The following NBAS variants were observed in gnomAD, a reference collection of about 807,000 sequenced individuals.
NBAS encodes the protein NBAS subunit of NRZ tethering complex.
In NBAS, 219 loss-of-function variants were observed where a neutral mutation model predicts 302.5. The observed-to-expected ratio is 0.72, with a 90% CI of 0.65 to 0.81. The LOEUF is 0.81. Ranked by LOEUF, NBAS falls within the 30% of genes least tolerant of loss-of-function variation. The pLI is 0.00. For missense variants in NBAS, 2,932 were observed against 2,841.6 expected (o/e 1.03, Z -0.72); for synonymous variants, 1,118 against 1,021.6 (o/e 1.09, Z -1.80).
At chr2:15,364,833 T>C (rs191691788) in intron 32 of NBAS, among the ~76,000 whole-genome samples, 2 of 152,080 alleles carry the variant, frequency 1.3e-5, no homozygotes, top group South Asian at 2.1e-4. Flanking sequence ...GAGCCCAATC[T>C]CCAGAAGAGA....
the NBAS span, among the ~76,000 whole-genome samples, chr2:14,800,689 C>T: frequency 6.6e-6 from 1 of 151,850 alleles, no homozygotes; most frequent in East Asian, 1.9e-4. Flanking sequence ...TTCTTCCCTC[C>T]TGTTTTCATA....
At chr2:15,321,831 C>T (rs774946821) in intron 38 of NBAS, among the ~76,000 whole-genome samples, 20 of 152,106 alleles carry the variant, frequency 1.3e-4, no homozygotes, top group Admixed American at 4.6e-4. Context: ...GACAGTGTGG[C>T]GGATTCCTCA....
At chr2:15,495,514 A>C (rs541793776) in intron 11 of NBAS, among the ~76,000 whole-genome samples, 1 of 152,330 alleles carries the variant, frequency 6.6e-6, no homozygotes, top group Admixed American at 6.5e-5. Context: ...ATAGAGAAAA[A>C]GAGACTTAAA....
chr2:15,374,881 T>G (rs1327163517), intron 30 of NBAS, among the ~76,000 whole-genome samples, 161 bp from the exon 31 acceptor site: 1 of 152,190 alleles, frequency 6.6e-6, no homozygotes, highest in Non-Finnish European at 1.5e-5. Context: ...AGCAAGCCTC[T>G]GAGGTAGGCA....
At chr2:14,816,474 A>G in the NBAS span, among the ~76,000 whole-genome samples, 1 of 152,182 alleles carries the variant, frequency 6.6e-6, no homozygotes. Flanking sequence ...CCTGGTGCCA[A>G]AAAGGTTGGA....
At chr2:15,519,159 T>A (rs76750678) in intron 9 of NBAS, among the ~76,000 whole-genome samples, 4,953 of 152,284 alleles carry the variant, frequency 0.033, 136 homozygotes, top group Non-Finnish European at 0.048. Context: ...CTTTCACCCA[T>A]TAACATTTAC....
chr2:15,053,668 G>C, the NBAS span, among the ~76,000 whole-genome samples: 1 of 151,984 alleles, frequency 6.6e-6, no homozygotes, highest in Admixed American at 6.5e-5. Context: ...GGGGGATCTC[G>C]GGGTCCAGTT....
At chr2:15,386,059 C>G (rs959918056) in intron 28 of NBAS, among the ~76,000 whole-genome samples, 1 of 152,000 alleles carries the variant, frequency 6.6e-6, no homozygotes, top group African/African-American at 2.4e-5. Context: ...TCTAAATTAC[C>G]AGAGAGGGCC....
chr2:14,842,888 A>G, the NBAS span, among the ~76,000 whole-genome samples: 1 of 151,894 alleles, frequency 6.6e-6, no homozygotes, highest in East Asian at 1.9e-4. Context: ...ATTGCAGATG[A>G]ATATAGATGC....
the NBAS span, among the ~76,000 whole-genome samples, chr2:15,016,017 A>G: frequency 6.6e-6 from 1 of 152,196 alleles, no homozygotes. Flanking sequence ...CAAGAAGGCA[A>G]TCCCATTTAC....
chr2:15,221,079 ATATT>A (rs1278778073), intron 47 of NBAS, among the ~76,000 whole-genome samples: 1 of 152,212 alleles, frequency 6.6e-6, no homozygotes, highest in Non-Finnish European at 1.5e-5. Context: ...AGATTCCTAA[ATATT>A]TATCAGAAAT....
intron 25 of NBAS, among the ~76,000 whole-genome samples, chr2:15,415,205 T>G (rs1448095712): frequency 6.6e-6 from 1 of 152,182 alleles, no homozygotes; most frequent in Non-Finnish European, 1.5e-5. Flanking sequence ...AATAAAAGTA[T>G]CTATGCCATA....
chr2:14,904,570 AG>A, the NBAS span, among the ~76,000 whole-genome samples: 1 of 150,142 alleles, frequency 6.7e-6, no homozygotes, highest in African/African-American at 2.5e-5. Flanking sequence ...TGTCACAGTC[AG>A]CTGTGACTCA....
At chr2:15,448,170 T>G (rs1201112386) in intron 21 of NBAS, among the ~76,000 whole-genome samples, 1 of 152,198 alleles carries the variant, frequency 6.6e-6, no homozygotes, top group Non-Finnish European at 1.5e-5. Flanking sequence ...AGCAATTTCC[T>G]GTTATAATTT....
At position 15,534,636 on chromosome 2, in the gene NBAS, C is replaced by T. The variant is rs1204450092; in HGVS notation, c.653G>A (p.Gly218Glu). The T allele has an allele frequency of 6.2e-7, 1 of 1,611,404 alleles. No individual in the cohort carries two copies. ...ACTTTCTTGGTAGCTCTGATTTGTT[C>T]CAACACTAAATTTAAGAGGGTATGA... ...GELRSYLVSV[G>E]TNQSYQESHC... The change falls in exon 9 of 52, where the codon GGA (glycine) becomes GAA (glutamate). Residue 218 changes from glycine to glutamate, a missense_variant. Physicochemically the swap from Gly to Glu is moderately conservative, Grantham distance 98 (BLOSUM62 -2). Transcript: ENST00000281513.
chr2:14,886,549 T>C, the NBAS span: 1 of 152,164 alleles, frequency 6.6e-6, no homozygotes, highest in African/African-American at 2.4e-5. Context: ...TCTCTATAAA[T>C]TGTACCTAGT....
At chr2:15,263,996 T>C (rs1668963052) in intron 44 of NBAS, among the ~76,000 whole-genome samples, 1 of 152,224 alleles carries the variant, frequency 6.6e-6, no homozygotes, top group African/African-American at 2.4e-5. Context: ...ATAGTGTATT[T>C]ATGAAATAGC....
intron 5 of NBAS, 146 bp from the exon 6 acceptor site, chr2:15,551,682 C>G: frequency 1.7e-6 from 1 of 599,454 alleles, no homozygotes; most frequent in East Asian, 2.8e-5. Flanking sequence ...TCAATTATGA[C>G]CCTTTTGTCA....
chr2:15,293,836 C>A (rs1670428248), intron 40 of NBAS, among the ~76,000 whole-genome samples: 1 of 152,112 alleles, frequency 6.6e-6, no homozygotes, highest in Non-Finnish European at 1.5e-5. Context: ...TCTGGGAGTG[C>A]TGATAAAAAA....
Sources: allele counts gnomAD v4.1 joint callset (sites outside exome capture counted in the v4.1 genomes callset), GRCh38; gene constraint gnomAD v4.1.1; transcripts MANE v1.5; gene names NCBI Gene and HGNC (gene_info 2026-07-23, HGNC 2026-07-21).